Variants in CLIP2 observed in about 807,000 individuals in gnomAD.
CLIP2 encodes CAP-Gly domain-containing linker protein 2.
Under a neutral mutation model 111.7 loss-of-function variants are expected in CLIP2, and 41 were observed. The observed-to-expected ratio is 0.37, with a 90% CI of 0.29 to 0.48. The LOEUF (loss-of-function observed/expected upper bound fraction) is 0.48, where lower values mean the gene tolerates loss of function less well. Ranked by LOEUF, CLIP2 falls within the 20% of genes least tolerant of loss-of-function variation. CLIP2 has a pLI of 0.99. For missense variants in CLIP2, 1,160 were observed against 1,422.1 expected, an observed-to-expected ratio of 0.82 and a Z score of 2.96; for synonymous variants, 660 against 644.2, an observed-to-expected ratio of 1.02 and a Z score of -0.37.
intron 8 of CLIP2, among the ~76,000 whole-genome samples, chr7:74,367,437 G>A (rs1345455293): frequency 2.0e-5 from 3 of 152,138 alleles, no homozygotes; most frequent in African/African-American, 7.2e-5. Flanking sequence ...TGATTCGCCC[G>A]CCTCAGACTC....
At chr7:74,313,607 C>G (rs1788697017) in intron 1 of CLIP2, among the ~76,000 whole-genome samples, 1 of 151,890 alleles carries the variant, frequency 6.6e-6, no homozygotes, top group African/African-American at 2.4e-5. Flanking sequence ...TCAGGCTCAG[C>G]TGGATCTAGG....
Position 74,403,940 on chromosome 7 carries a change from C to A in CLIP2, c.*92C>A. On this transcript the variant is annotated 3_prime_UTR_variant, in exon 17 of 17. Coordinates refer to ENST00000223398, the MANE Select transcript of CLIP2 (RefSeq NM_003388.5). Reference sequence around the variant, plus strand: ...TCCTCCAGGCAGGAGCCGGGACTGTCACTTTGGAGACAAAACAGTGTTTGT... The same window carrying A: ...TCCTCCAGGCAGGAGCCGGGACTGTAACTTTGGAGACAAAACAGTGTTTGT... 2 of 1,359,438 alleles carry A rather than the reference C, an allele frequency of 1.5e-6. No homozygotes were observed. Among genetic ancestry groups the A allele is most frequent in the Non-Finnish European group, 1.0e-6 (1 of 955,792 alleles). 84.2% of individuals were successfully genotyped at this position (1,359,438 alleles called of 1,614,324 possible). A position where few individuals can be genotyped will look rare whatever the true frequency, so the allele number is the denominator to read the frequency against.
intron 2 of CLIP2, among the ~76,000 whole-genome samples, chr7:74,326,338 T>C (rs1789105810): frequency 6.6e-6 from 1 of 152,172 alleles, no homozygotes; most frequent in Admixed American, 6.5e-5. Context: ...GAGCGCCTGC[T>C]GCCTCCCCAG....
intron 1 of CLIP2, among the ~76,000 whole-genome samples, chr7:74,313,553 C>T (rs1584317034): frequency 6.7e-6 from 1 of 149,938 alleles, no homozygotes; most frequent in Non-Finnish European, 1.5e-5. Flanking sequence ...GAGTGAGACT[C>T]CATCTCAAAA....
At chr7:74,382,290 A>G (rs561526579) in intron 11 of CLIP2, among the ~76,000 whole-genome samples, 3 of 119,066 alleles carry the variant, frequency 2.5e-5, no homozygotes, top group Admixed American at 1.0e-4. Flanking sequence ...GGGTTTCTCC[A>G]TGTTGGGGCT....
chr7:74,363,565 T>C (rs1009403748), intron 7 of CLIP2, among the ~76,000 whole-genome samples: 1 of 152,078 alleles, frequency 6.6e-6, no homozygotes, highest in Non-Finnish European at 1.5e-5. Context: ...TTCCTTGTGG[T>C]AGTGTCTGTT....
At chr7:74,383,508 G>A (rs1325350283) in intron 11 of CLIP2, among the ~76,000 whole-genome samples, 3 of 152,092 alleles carry the variant, frequency 2.0e-5, no homozygotes, top group Admixed American at 6.6e-5. Flanking sequence ...CTTGGCTATT[G>A]TTTAAAAACT....
intron 1 of CLIP2, among the ~76,000 whole-genome samples, chr7:74,294,804 A>G (rs1788124772): frequency 6.6e-6 from 1 of 152,154 alleles, no homozygotes; most frequent in Admixed American, 6.5e-5. Flanking sequence ...AGCCCTTTCC[A>G]GAAACATTTC....
chr7:74,372,645 G>C (rs958920470), intron 8 of CLIP2, among the ~76,000 whole-genome samples: 2 of 152,038 alleles, frequency 1.3e-5, no homozygotes, highest in Non-Finnish European at 2.9e-5. Flanking sequence ...AGGGGCCAGC[G>C]AGGGAGGATG....
rs781884928 is a variant in CLIP2, at chr7:74,373,053, A to G, written c.1485+17A>G. ...GACAACAGGGTAACCGCGCCACCGC[A>G]CCCGCCTGGCCCGCCAGCCACCTTG... On this transcript the variant is annotated intron_variant, in intron 9 of 16. Transcript: ENST00000223398. 10 of 1,528,178 alleles carry G rather than the reference A, an allele frequency of 6.5e-6. No individual in the cohort carries two copies. The South Asian group carries it at 1.1e-4, about 17-fold the overall frequency. 94.7% of individuals were successfully genotyped at this position (1,528,178 alleles called of 1,614,324 possible).
In CLIP2 at chr7:74,346,328, A is replaced by AGCAATC. The variant is rs782633782; in HGVS notation, c.678+7325_678+7330dup. ...GAGCTAGTGGTAGGGGAAGAGGAGA[A>AGCAATC]GCAATCAGTGTCCATCCGGAAACCC... is the stretch of plus-strand genomic sequence containing the variant. On this transcript the variant is annotated intron_variant, in intron 3 of 16. Coordinates refer to ENST00000223398, the MANE Select transcript of CLIP2 (RefSeq NM_003388.5). 1.6e-3 allele frequency among the ~76,000 whole-genome samples: 246 copies of AGCAATC among 152,250 alleles called. 2 individuals are homozygous for AGCAATC. The highest frequency in any genetic ancestry group is 1.8e-3 in the Non-Finnish European group (123 of 68,016).
intron 13 of CLIP2, among the ~76,000 whole-genome samples, chr7:74,389,621 G>C (rs1465310949): frequency 2.0e-5 from 3 of 149,738 alleles, no homozygotes; most frequent in Non-Finnish European, 4.4e-5. Flanking sequence ...AAATTAGGCT[G>C]GGTGCAGTGG....
At chr7:74,364,797 G>A in intron 8 of CLIP2, 1 of 451,494 alleles carries the variant, frequency 2.2e-6, no homozygotes, top group South Asian at 1.6e-5. Context: ...CCAAGGCAGA[G>A]GATCACTTGA....
intron 2 of CLIP2, among the ~76,000 whole-genome samples, chr7:74,321,597 T>A (rs1304238338): frequency 6.6e-6 from 1 of 151,878 alleles, no homozygotes; most frequent in Non-Finnish European, 1.5e-5. Context: ...GCCTCCCAAG[T>A]AGCTGGGATT....
chr7:74,326,377 G>C (rs10244368), intron 2 of CLIP2, among the ~76,000 whole-genome samples: 18,909 of 152,178 alleles, frequency 0.12, 2,490 homozygotes, highest in African/African-American at 0.31. Flanking sequence ...ACCAAGTCCA[G>C]TATCAGCCCC....
chr7:74,376,258 G>A lies in CLIP2; in HGVS notation c.1857G>A (p.Ser619=), dbSNP rs369354084. ...LMDNWKSKLD[S]LASDHQKSLE... ...ACAACTGGAAATCCAAGCTGGACTCGCTGGCCTCGGACCACCAGAAGTCCC... is the reference window on the plus strand; with the variant it reads ...ACAACTGGAAATCCAAGCTGGACTCACTGGCCTCGGACCACCAGAAGTCCC... The change falls in exon 10 of 17, where the codon TCG becomes TCA. Residue 619 remains serine, a synonymous_variant. Coordinates refer to ENST00000223398, the MANE Select transcript of CLIP2 (RefSeq NM_003388.5). This position sits in a 1 kb window ranked among gnomAD's most constrained non-coding sequence, Gnocchi z 7.1. 6 of 1,612,224 alleles carry A rather than the reference G, an allele frequency of 3.7e-6. No individual in the cohort carries two copies. Among genetic ancestry groups the A allele is most frequent in the East Asian group, 2.2e-5 (1 of 44,862 alleles).
intron 9 of CLIP2, 44 bp downstream of exon 9, chr7:74,373,080 C>T: frequency 1.7e-6 from 2 of 1,180,086 alleles, no homozygotes; most frequent in Non-Finnish European, 2.5e-6. Context: ...GCCACCTTGC[C>T]CTTTGATGCC....
At chr7:74,324,879 C>T (rs1489569811) in intron 2 of CLIP2, among the ~76,000 whole-genome samples, 1 of 150,604 alleles carries the variant, frequency 6.6e-6, no homozygotes, top group South Asian at 2.1e-4. Context: ...CAGGGAAGGA[C>T]GGTCCCCCCA....
At chr7:74,355,726 C>T (rs1309888986) in intron 4 of CLIP2, among the ~76,000 whole-genome samples, 1 of 152,210 alleles carries the variant, frequency 6.6e-6, no homozygotes, top group Non-Finnish European at 1.5e-5. Context: ...GCTTTGCCTT[C>T]CTGTTTGCAA....
Sources: allele counts gnomAD v4.1 joint callset (sites outside exome capture counted in the v4.1 genomes callset), GRCh38; gene constraint gnomAD v4.1.1; non-coding constraint Gnocchi (gnomAD v3.1); transcripts MANE v1.5; gene names NCBI Gene and HGNC (gene_info 2026-07-23, HGNC 2026-07-21).